The following POLR2F variants were observed in gnomAD, a reference collection of about 807,000 sequenced individuals.
POLR2F encodes the protein RNA polymerase II, I and III subunit F.
In POLR2F, 12 loss-of-function variants were observed where a neutral mutation model predicts 22.7. That is an observed-to-expected ratio of 0.53 (90% CI 0.34 to 0.86). The LOEUF is 0.86. POLR2F is among the 40% of genes least tolerant of loss of function. The pLI, the probability that POLR2F is intolerant of heterozygous loss-of-function variation, is 0.02. For synonymous variants in POLR2F, 57 were observed against 66.0 expected (o/e 0.86, Z 0.66); for missense variants, 126 against 171.5 (o/e 0.73, Z 1.48).
At chr22:38,027,837 T>C (rs563596157), downstream of POLR2F, among the ~76,000 whole-genome samples, 3 of 152,220 alleles carry the variant, frequency 2.0e-5, no homozygotes, top group South Asian at 2.1e-4. Flanking sequence ...TCCACACTTA[T>C]AACAGCAGCT....
At chr22:37,973,817 G>T, downstream of POLR2F, 1 of 1,601,074 alleles carries the variant, frequency 6.2e-7, no homozygotes. Context: ...GGGCCCCGCG[G>T]TCTCTGTCTT....
At chr22:38,024,333 A>AT (rs1170618074) in intron 1 of POLR2F, among the ~76,000 whole-genome samples, 1 of 152,098 alleles carries the variant, frequency 6.6e-6, no homozygotes, top group Admixed American at 6.5e-5. Context: ...TTGTTTATTC[A>AT]TTTATTGATG....
chr22:37,989,747 G>A (rs967239687), intron 1 of POLR2F, among the ~76,000 whole-genome samples: 3 of 152,308 alleles, frequency 2.0e-5, no homozygotes, highest in Non-Finnish European at 4.4e-5. Context: ...CCTGTGGTTG[G>A]TCCCAGCCCA....
chr22:38,036,740 A>G (rs1461388932), intron 5 of POLR2F, among the ~76,000 whole-genome samples: 1 of 151,924 alleles, frequency 6.6e-6, no homozygotes, highest in African/African-American at 2.4e-5. Flanking sequence ...TAAAGCCCCA[A>G]CGGGCCCCTC....
chr22:38,019,835 T>A (rs558887372), intron 1 of POLR2F, among the ~76,000 whole-genome samples: 16 of 152,074 alleles, frequency 1.1e-4, no homozygotes, highest in African/African-American at 3.6e-4. Context: ...ACCAACATGG[T>A]GAAACCCCAT....
At chr22:37,999,462 A>G (rs953437858) in intron 1 of POLR2F, among the ~76,000 whole-genome samples, 3 of 152,182 alleles carry the variant, frequency 2.0e-5, no homozygotes, top group Non-Finnish European at 4.4e-5. Context: ...TCCGAATGTC[A>G]TACCCTAAGG....
At chr22:37,985,818 A>AACACACAC (rs60447362), upstream of POLR2F, among the ~76,000 whole-genome samples, 244 of 144,486 alleles carry the variant, frequency 1.7e-3, 1 homozygote, top group East Asian at 0.022. Flanking sequence ...CAGACACTGG[A>AACACACAC]ACACACACAC....
At chr22:37,962,056 C>G (rs1931664546) in intron 3 of POLR2F, among the ~76,000 whole-genome samples, 1 of 152,064 alleles carries the variant, frequency 6.6e-6, no homozygotes, top group African/African-American at 2.4e-5. Flanking sequence ...CATGGTGAAA[C>G]CCCATCTCTA....
chr22:37,973,864 C>G, downstream of POLR2F: 1 of 1,609,600 alleles, frequency 6.2e-7, no homozygotes, highest in Admixed American at 1.7e-5. Flanking sequence ...GTGGTGAGAC[C>G]GTGGGCAGAG....
downstream of POLR2F, among the ~76,000 whole-genome samples, chr22:38,027,031 C>T (rs553742096): frequency 1.3e-5 from 2 of 152,202 alleles, no homozygotes; most frequent in East Asian, 1.9e-4. Context: ...GCCCGGGTGG[C>T]GAGGCTCACT....
intron 1 of POLR2F, among the ~76,000 whole-genome samples, chr22:37,991,293 A>G (rs1932722948): frequency 6.6e-6 from 1 of 151,816 alleles, no homozygotes; most frequent in Non-Finnish European, 1.5e-5. Flanking sequence ...AGTTTTTTGT[A>G]TTTTTAGTAG....
Position 37,999,055 on chromosome 22 carries a change from T to A in POLR2F, c.120+12743T>A, listed in dbSNP as rs568272020. Among the ~76,000 whole-genome samples the A allele has an allele frequency of 1.3e-3, 204 of 151,934 alleles. 1 individual carries two copies. Among genetic ancestry groups the A allele is most frequent in the Non-Finnish European group, 1.9e-3 (131 of 67,894 alleles). ...CCTCACCCAGGGCCTCCCCCTTCTG[T>A]CTTCCCTCATTCCCAGACGGCCGTA... On this transcript the variant is annotated intron_variant, in intron 1 of 2. Transcript: ENST00000333418.
Position 37,986,294 on chromosome 22 carries a change from C to G in POLR2F, c.104C>G (p.Pro35Arg), listed in dbSNP as rs1483652527. Residue 35 changes from proline (P) to arginine (R), a missense_variant, in exon 1 of 3, where the codon CCT (proline) becomes CGT (arginine). Coordinates refer to the POLR2F transcript ENST00000333418. This position sits in a 1 kb window ranked among gnomAD's most constrained non-coding sequence, Gnocchi z 4.7. ...TGCTGCCCGCCCGCTGCCTGCCTGC[C>G]TGGCATCTCTCTCTCCCGGTGGGTC... The G allele has an allele frequency of 6.5e-7, 1 of 1,538,112 alleles. No individual in the cohort carries two copies. The highest frequency in any genetic ancestry group is 8.7e-7 in the Non-Finnish European group (1 of 1,146,734).
rs1307898003 is a variant in POLR2F at position 37,997,290 on chromosome 22, CCTT to C, written c.120+10981_120+10983del. 1.3e-5 allele frequency among the ~76,000 whole-genome samples: 2 copies of C among 152,032 alleles called. No individual in the cohort carries two copies. The highest frequency in any genetic ancestry group is 2.9e-5 in the Non-Finnish European group (2 of 67,996). On this transcript the variant is annotated intron_variant, in intron 1 of 2. Transcript: ENST00000333418. The surrounding 1 kb of genome is among the most constrained non-coding windows in gnomAD (Gnocchi z 4.4). ...TTTCTTTCTCTGTCCATTGCTCCCTCCTTCTCCTCTTTCTGTCCCCAGCCTCCT... is the reference window on the plus strand; with the variant it reads ...TTTCTTTCTCTGTCCATTGCTCCCTCCTCCTCTTTCTGTCCCCAGCCTCCT...
intron 1 of POLR2F, among the ~76,000 whole-genome samples, chr22:38,011,558 T>C (rs2084872067): frequency 6.6e-6 from 1 of 152,160 alleles, no homozygotes. Flanking sequence ...TACACCTTAG[T>C]TGAAAATCAA....
chr22:37,991,009 T>C (rs528825126), intron 1 of POLR2F, among the ~76,000 whole-genome samples: 18 of 152,194 alleles, frequency 1.2e-4, no homozygotes, highest in Non-Finnish European at 2.6e-4. Context: ...GGGTGGGACG[T>C]GGTGGTTCAC....
chr22:37,983,724 G>C (rs1161833735), upstream of POLR2F: 5 of 1,491,392 alleles, frequency 3.4e-6, no homozygotes, highest in Non-Finnish European at 4.4e-6. The surrounding 1 kb of genome is among the most constrained non-coding windows in gnomAD (Gnocchi z 9.5). Flanking sequence ...GACAGGCAGC[G>C]GGGCTCCTCC....
intron 2 of POLR2F, 120 bp from the exon 3 acceptor site, chr22:37,959,225 CT>C: frequency 1.1e-6 from 1 of 942,882 alleles, no homozygotes; most frequent in Admixed American, 2.1e-5. Flanking sequence ...ATGTGGTCCC[CT>C]GGCATGCAGT....
intron 1 of POLR2F, among the ~76,000 whole-genome samples, chr22:37,990,177 T>C (rs1265569332): frequency 6.6e-6 from 1 of 152,122 alleles, no homozygotes; most frequent in African/African-American, 2.4e-5. Flanking sequence ...CAGGAGTGGC[T>C]TCCTGGAGGC....
Sources: gnomAD v4.1 joint callset for allele counts (sites outside exome capture counted in the v4.1 genomes callset) on GRCh38, gnomAD v4.1.1 for gene constraint, Gnocchi (gnomAD v3.1) non-coding constraint, MANE v1.5 for transcripts, NCBI Gene and HGNC (gene_info 2026-07-23, HGNC 2026-07-21) for gene names.